The following DLC1 variants were observed in gnomAD, a reference collection of about 807,000 sequenced individuals.
The protein encoded by DLC1 is rho GTPase-activating protein 7.
In DLC1, 54 loss-of-function variants were observed where a neutral mutation model predicts 140.3. That is an observed-to-expected ratio of 0.38 (90% CI 0.31 to 0.48). DLC1 has a LOEUF of 0.48. DLC1 is among the 20% of genes least tolerant of loss of function. The pLI is 0.96. For missense variants in DLC1, 2,536 were observed against 1,907.0 expected (o/e 1.33, Z -6.14); for synonymous variants, 986 against 728.1 (o/e 1.35, Z -5.70).
At chr8:13,491,019 AAT>A (rs955980055) in intron 2 of DLC1, among the ~76,000 whole-genome samples, 131 of 146,824 alleles carry the variant, frequency 8.9e-4, no homozygotes, top group Non-Finnish European at 1.7e-3. Context: ...ATAAATTCAG[AAT>A]ATATATATAT....
intron 2 of DLC1, among the ~76,000 whole-genome samples, chr8:13,444,790 G>A (rs993550821): frequency 1.3e-5 from 2 of 152,054 alleles, no homozygotes; most frequent in Non-Finnish European, 2.9e-5. Flanking sequence ...AGTATTTAGT[G>A]ACTATAATCG....
At chr8:13,597,276 T>C (rs947737976) in intron 1 of DLC1, among the ~76,000 whole-genome samples, 1 of 151,952 alleles carries the variant, frequency 6.6e-6, no homozygotes, top group Non-Finnish European at 1.5e-5. Context: ...GCAACTGACA[T>C]TGGACAATTT....
At chr8:13,463,802 G>C (rs1378142115) in intron 2 of DLC1, among the ~76,000 whole-genome samples, 1 of 152,156 alleles carries the variant, frequency 6.6e-6, no homozygotes, top group Non-Finnish European at 1.5e-5. Flanking sequence ...TCCTTCCCTA[G>C]AGAGTTTCTG....
chr8:13,511,632 C>T (rs977688333), intron 1 of DLC1, among the ~76,000 whole-genome samples: 3 of 152,098 alleles, frequency 2.0e-5, no homozygotes, highest in African/African-American at 7.2e-5. Flanking sequence ...GCTTATCTTT[C>T]GTGTGGGGAA....
At chr8:13,326,025 G>T (rs1038542123) in intron 4 of DLC1, among the ~76,000 whole-genome samples, 1 of 69,192 alleles carries the variant, frequency 1.4e-5, no homozygotes, top group African/African-American at 4.2e-5. Flanking sequence ...TGCGCTATTT[G>T]GTTTTTCTTA....
intron 5 of DLC1, among the ~76,000 whole-genome samples, chr8:13,204,858 C>T (rs1258263021): frequency 6.6e-6 from 1 of 152,148 alleles, no homozygotes; most frequent in Non-Finnish European, 1.5e-5. Context: ...TGGTCAGATT[C>T]CTGCATTGCC....
chr8:13,450,962 C>T (rs533536000), intron 2 of DLC1, among the ~76,000 whole-genome samples: 2 of 137,872 alleles, frequency 1.5e-5, no homozygotes, highest in African/African-American at 2.7e-5. Context: ...TCACTTGAAA[C>T]CGGGAGGCAG....
intron 1 of DLC1, among the ~76,000 whole-genome samples, chr8:13,560,191 A>C (rs1235100815): frequency 1.3e-5 from 2 of 152,200 alleles, no homozygotes; most frequent in African/African-American, 4.8e-5. Flanking sequence ...TTTGAGTTTT[A>C]CCGGATACTC....
intron 1 of DLC1, among the ~76,000 whole-genome samples, chr8:13,543,620 T>A (rs1210221395): frequency 1.3e-5 from 2 of 152,150 alleles, no homozygotes; most frequent in Non-Finnish European, 2.9e-5. Context: ...CAAGAAGATG[T>A]GTTTTATATT....
intron 5 of DLC1, among the ~76,000 whole-genome samples, chr8:13,291,057 G>A (rs1311367014): frequency 6.6e-6 from 1 of 152,178 alleles, no homozygotes; most frequent in African/African-American, 2.4e-5. Flanking sequence ...ACAAGTATGT[G>A]CCACCACGCC....
chr8:13,515,078 C>G (rs548843977), upstream of DLC1, among the ~76,000 whole-genome samples: 19 of 152,224 alleles, frequency 1.2e-4, no homozygotes, highest in Middle Eastern at 0.01. Flanking sequence ...AGAGCTTTTT[C>G]TATCCCACAC....
intron 4 of DLC1, among the ~76,000 whole-genome samples, chr8:13,313,988 T>C (rs190063505): frequency 2.0e-5 from 3 of 152,098 alleles, no homozygotes; most frequent in Non-Finnish European, 4.4e-5. Flanking sequence ...TTTCTGTACG[T>C]CTTGGAGCAG....
chr8:13,199,541 CTGT>C (rs541077181), intron 5 of DLC1, among the ~76,000 whole-genome samples: 58 of 152,278 alleles, frequency 3.8e-4, no homozygotes, highest in Non-Finnish European at 6.8e-4. Flanking sequence ...CCCACCTGCT[CTGT>C]TGTTCTGCAC....
intron 5 of DLC1, among the ~76,000 whole-genome samples, chr8:13,183,671 T>G (rs530871907): frequency 6.6e-6 from 1 of 152,330 alleles, no homozygotes; most frequent in Non-Finnish European, 1.5e-5. Context: ...GAAGCTGAAT[T>G]GATCGTGGTG....
At chr8:13,212,860 C>A (rs545065059) in intron 5 of DLC1, among the ~76,000 whole-genome samples, 2 of 152,286 alleles carry the variant, frequency 1.3e-5, no homozygotes, top group South Asian at 4.1e-4. Flanking sequence ...TTCCGTTTGA[C>A]TAAATGTTTG....
At chr8:13,117,859 T>G (rs1458841961) in intron 5 of DLC1, among the ~76,000 whole-genome samples, 1 of 152,260 alleles carries the variant, frequency 6.6e-6, no homozygotes, top group African/African-American at 2.4e-5. Context: ...AATAGTTTCA[T>G]GCCAAGAGGC....
intron 5 of DLC1, among the ~76,000 whole-genome samples, chr8:13,280,820 G>T (rs1831340129): frequency 6.6e-6 from 1 of 152,196 alleles, no homozygotes; most frequent in Non-Finnish European, 1.5e-5. Flanking sequence ...GAAATGAAAA[G>T]CTTATTAAGA....
intron 2 of DLC1, among the ~76,000 whole-genome samples, chr8:13,441,319 C>T (rs1332627447): frequency 1.3e-5 from 2 of 152,200 alleles, no homozygotes; most frequent in African/African-American, 4.8e-5. Flanking sequence ...TGCCCTCTCT[C>T]ACCACTCCTG....
Position 13,577,368 on chromosome 8 carries a change from A to G in DLC1, c.-126+27169T>C, listed in dbSNP as rs557001647. On this transcript the variant is annotated intron_variant, in intron 1 of 1. Transcript: ENST00000631382. ...ATGGGTCAGTGTCCGTGTCCACAGA[A>G]CATGTTTTAGAGTAATGGGTTATAT... 1.2e-4 allele frequency among the ~76,000 whole-genome samples: 19 copies of G among 152,252 alleles called. 1 individual carries two copies. Among genetic ancestry groups the G allele is most frequent in the Admixed American group, 2.6e-4 (4 of 15,290 alleles).
Sources: gnomAD v4.1 joint callset for allele counts (sites outside exome capture counted in the v4.1 genomes callset) on GRCh38, gnomAD v4.1.1 for gene constraint, MANE v1.5 for transcripts, NCBI Gene and HGNC (gene_info 2026-07-23, HGNC 2026-07-21) for gene names.